TRPM7: variants seen among roughly 807,000 people sequenced by gnomAD.
The protein encoded by TRPM7 is LTRPC ion channel family member 7.
A neutral mutation model predicts 229.7 loss-of-function variants in TRPM7; 134 were observed. The observed-to-expected ratio is 0.58, with a 90% confidence interval of 0.51 to 0.67. The LOEUF (loss-of-function observed/expected upper bound fraction) is 0.67, where lower values mean the gene tolerates loss of function less well. Among genes scored for constraint, TRPM7 ranks in the 30% least tolerant of loss-of-function variants. The probability of loss-of-function intolerance (pLI) is 0.00; values close to 1 mark genes in which losing one functional copy is unlikely to be tolerated. For synonymous variants in TRPM7, 699 were observed against 715.2 expected (o/e 0.98, Z 0.36); for missense variants, 1,901 against 2,210.0 (o/e 0.86, Z 2.80).
intron 13 of TRPM7, among the ~76,000 whole-genome samples, chr15:50,618,937 C>T (rs1165529770): frequency 6.6e-6 from 1 of 152,130 alleles, no homozygotes; most frequent in East Asian, 1.9e-4. Flanking sequence ...CTGCAAAGGA[C>T]ATGATTTCAT....
intron 2 of TRPM7, among the ~76,000 whole-genome samples, chr15:50,660,482 T>C (rs186072495): frequency 2.1e-3 from 313 of 152,122 alleles, no homozygotes; most frequent in Non-Finnish European, 3.6e-3. Flanking sequence ...GTGAAACCCC[T>C]GTCTCTACTA....
At position 50,643,585 on chromosome 15, in the gene TRPM7, T is replaced by C. The variant is rs1010142940; in HGVS notation, c.322-32A>G. ...AAAGATTTTAAAAGGAGAAAATAAT[T>C]GAACATGTTCACAGGTTTCATAATG... is the stretch of plus-strand genomic sequence containing the variant. On this transcript the variant is annotated intron_variant, in intron 4 of 38. Transcript: ENST00000646667. The C allele has an allele frequency of 1.9e-6, 3 of 1,573,378 alleles. No homozygotes were observed. The Admixed American group carries it at 5.0e-5, about 26-fold the overall frequency.
At chr15:50,627,879 G>C (rs144262356) in intron 11 of TRPM7, among the ~76,000 whole-genome samples, 177 of 152,266 alleles carry the variant, frequency 1.2e-3, no homozygotes, top group African/African-American at 4.1e-3. Context: ...ATGCTAGAAT[G>C]GACTCTCTGG....
intron 2 of TRPM7, among the ~76,000 whole-genome samples, chr15:50,660,255 A>G (rs899289990): frequency 6.6e-6 from 1 of 152,224 alleles, no homozygotes; most frequent in African/African-American, 2.4e-5. Flanking sequence ...AGAACTAATC[A>G]AAAACATTTA....
Position 50,557,643 on chromosome 15 carries a change from G to A in TRPM7, c.*4035C>T, listed in dbSNP as rs1218937014. 6.6e-6 allele frequency: 1 copy of A among 152,094 alleles called. No individual in the cohort carries two copies. The highest frequency in any genetic ancestry group is 1.9e-4 in the East Asian group (1 of 5,192). 9.4% of individuals were successfully genotyped at this position (152,094 alleles called of 1,614,324 possible). ...ACTATTAGAGAACATTTGCAGAAAA[G>A]AATTCCACATCTTTTTTTTGAGACA... On this transcript the variant is annotated 3_prime_UTR_variant, in exon 39 of 39. Transcript: ENST00000646667.
chr15:50,604,762 TAA>T, intron 21 of TRPM7, 102 bp downstream of exon 21: 1 of 1,181,452 alleles, frequency 8.5e-7, no homozygotes, highest in Non-Finnish European at 1.2e-6. Flanking sequence ...AAACACAAAA[TAA>T]AAGACATTCA....
At chr15:50,593,502 C>G in intron 25 of TRPM7, 115 bp downstream of exon 25, 1 of 1,129,620 alleles carries the variant, frequency 8.9e-7, no homozygotes, top group Non-Finnish European at 1.3e-6. Context: ...TCATGTAAAA[C>G]TGTAACTATG....
intron 27 of TRPM7, among the ~76,000 whole-genome samples, chr15:50,588,861 C>T (rs910590472): frequency 6.6e-6 from 1 of 152,186 alleles, no homozygotes; most frequent in Non-Finnish European, 1.5e-5. Context: ...ATTTAACAAA[C>T]ATTTATCAAA....
chr15:50,658,066 G>A (rs1364409420), intron 2 of TRPM7, among the ~76,000 whole-genome samples: 2 of 148,878 alleles, frequency 1.3e-5, no homozygotes, highest in African/African-American at 5.0e-5. Flanking sequence ...GTCCAATGGC[G>A]CAATCTCAGC....
intron 1 of TRPM7, among the ~76,000 whole-genome samples, chr15:50,663,654 T>C (rs1028226706): frequency 6.6e-6 from 1 of 152,180 alleles, no homozygotes; most frequent in Non-Finnish European, 1.5e-5. Context: ...CTGGTATTAT[T>C]CTGGGATATG....
rs533298821 is a variant in TRPM7 at position 50,623,105 on chromosome 15, C to CT, written c.1440+1060dup. Among the ~76,000 whole-genome samples the CT allele has an allele frequency of 2.6e-3, 395 of 152,000 alleles. 2 individuals carry two copies. The highest frequency in any genetic ancestry group is 8.6e-3 in the African/African-American group (359 of 41,504). On this transcript the variant is annotated intron_variant, in intron 12 of 38. Transcript: ENST00000646667. ...ACCAGCACTGTGAAAATAGCAAATG[C>CT]TTTTTTTTAAAAAAGTTTGCATTTT...
Position 50,574,617 on chromosome 15 carries a change from G to C in TRPM7, c.5102+20C>G. ...GCTATCCATATAATAAAAGATCCCA[G>C]AAAAAAATTAAAGATTTACCTTGGA... On this transcript the variant is annotated intron_variant, in intron 35 of 38. Transcript: ENST00000646667. The C allele has an allele frequency of 6.3e-7, 1 of 1,598,944 alleles. No homozygotes were observed. Among genetic ancestry groups the C allele is most frequent in the Non-Finnish European group, 8.5e-7 (1 of 1,173,222 alleles).
At chr15:50,662,902 G>C in intron 2 of TRPM7, 65 bp downstream of exon 2, 1 of 1,161,850 alleles carries the variant, frequency 8.6e-7, no homozygotes, top group Non-Finnish European at 1.3e-6. Context: ...TTCCAATAAA[G>C]AAATAACAAT....
chr15:50,573,163 C>T (rs2053969878), intron 36 of TRPM7, among the ~76,000 whole-genome samples: 1 of 152,094 alleles, frequency 6.6e-6, no homozygotes, highest in South Asian at 2.1e-4. Flanking sequence ...AGATGCATAT[C>T]GTTCTACCCA....
chr15:50,686,444 C>G (rs1355039685), intron 1 of TRPM7, 87 bp downstream of exon 1: 20 of 1,607,590 alleles, frequency 1.2e-5, no homozygotes, highest in Non-Finnish European at 1.4e-5. Flanking sequence ...TGGAACGCGG[C>G]TCCCCACACA....
chr15:50,602,097 G>C (rs2059797429), intron 21 of TRPM7, among the ~76,000 whole-genome samples: 1 of 151,648 alleles, frequency 6.6e-6, no homozygotes, highest in Admixed American at 6.6e-5. Context: ...TGTTTACTGT[G>C]GCACTATTCA....
intron 5 of TRPM7, among the ~76,000 whole-genome samples, chr15:50,642,107 A>G (rs996072353): frequency 2.0e-5 from 3 of 152,142 alleles, no homozygotes; most frequent in African/African-American, 7.2e-5. Context: ...TTCAACCTGT[A>G]TATGTGATAG....
In TRPM7 at chr15:50,672,427, A is replaced by G. The variant is rs562467720; in HGVS notation, c.4-9381T>C. Among the ~76,000 whole-genome samples, 10 of 151,866 alleles carry G rather than the reference A, an allele frequency of 6.6e-5. No individual in the cohort carries two copies. The South Asian group carries it at 2.1e-3, about 32-fold the overall frequency. Reference sequence around the variant, plus strand: ...TCCTTCAGGAAGTATTCCAGAAGGCACTGTTATCATAGAAAATGACAACTC... The same window carrying G: ...TCCTTCAGGAAGTATTCCAGAAGGCGCTGTTATCATAGAAAATGACAACTC... On this transcript the variant is annotated intron_variant, in intron 1 of 38. Coordinates refer to ENST00000646667, the MANE Select transcript of TRPM7 (RefSeq NM_017672.6).
chr15:50,624,304 G>A lies in TRPM7; in HGVS notation c.1306-4C>T. ...TAGCTTGTTCCAAGGATCCAACCTA[G>A]GAGTATCAAATTTAATAAATACATA... On this transcript the variant is annotated splice_region_variant and splice_polypyrimidine_tract_variant and intron_variant, in intron 11 of 38. Transcript: ENST00000646667. The A allele has an allele frequency of 6.3e-7, 1 of 1,575,626 alleles. No homozygotes were observed. The highest frequency in any genetic ancestry group is 8.6e-7 in the Non-Finnish European group (1 of 1,165,442).
Sources: allele counts gnomAD v4.1 joint callset (sites outside exome capture counted in the v4.1 genomes callset), GRCh38; gene constraint gnomAD v4.1.1; transcripts MANE v1.5; gene names NCBI Gene and HGNC (gene_info 2026-07-23, HGNC 2026-07-21).